Variants in SLC15A4 observed in about 807,000 individuals in gnomAD.
SLC15A4 encodes the protein hPHT1.
In SLC15A4, 26 loss-of-function variants were observed where a neutral mutation model predicts 46.1. The ratio of observed to expected loss-of-function variants is 0.56; its 90% confidence interval spans 0.41 to 0.78. The LOEUF (loss-of-function observed/expected upper bound fraction) is 0.78, where lower values mean the gene tolerates loss of function less well. Among genes scored for constraint, SLC15A4 ranks in the 30% least tolerant of loss-of-function variants. The pLI is 0.00. For missense variants in SLC15A4, 751 were observed against 755.7 expected, an observed-to-expected ratio of 0.99 and a Z score of 0.07; for synonymous variants, 370 against 333.4, an observed-to-expected ratio of 1.11 and a Z score of -1.20.
chr12:128,809,090 A>G (rs1161818928), intron 4 of SLC15A4, 134 bp from the exon 5 acceptor site: 2 of 805,700 alleles, frequency 2.5e-6, no homozygotes, highest in Non-Finnish European at 3.9e-6. Flanking sequence ...TCTTCAGTTT[A>G]GAGACAACGG....
intron 7 of SLC15A4, among the ~76,000 whole-genome samples, chr12:128,795,079 G>A (rs928920832): frequency 6.6e-6 from 1 of 152,136 alleles, no homozygotes; most frequent in African/African-American, 2.4e-5. Context: ...CCTGAGGTGA[G>A]CGTCTTTGTA....
chr12:128,807,295 G>A (rs932003995), intron 5 of SLC15A4, among the ~76,000 whole-genome samples: 8 of 152,126 alleles, frequency 5.3e-5, no homozygotes, highest in South Asian at 4.1e-4. Context: ...AACACATATC[G>A]AAACCACCAG....
At chr12:128,806,375 T>G (rs970210091) in intron 5 of SLC15A4, among the ~76,000 whole-genome samples, 1 of 152,032 alleles carries the variant, frequency 6.6e-6, no homozygotes, top group African/African-American at 2.4e-5. Flanking sequence ...ACCCTTCAGC[T>G]AAGAAAAGAT....
chr12:128,809,356 T>G lies in SLC15A4; in HGVS notation c.1089+40A>C, dbSNP rs756469305. Reference sequence around the variant, plus strand: ...AGAAGGAATCCATTTATTACATAAGTCCAAAATAACAATGTTCAGATCATT... The same window carrying G: ...AGAAGGAATCCATTTATTACATAAGGCCAAAATAACAATGTTCAGATCATT... On this transcript the variant is annotated intron_variant, in intron 4 of 7. Transcript: ENST00000266771. The G allele has an allele frequency of 2.1e-5, 28 of 1,330,758 alleles. 1 individual carries two copies. In the South Asian group the frequency reaches 3.3e-4, roughly 16 times the overall value. The allele number at this position is 1,330,758 out of a possible 1,614,324, so 82.4% of individuals were successfully genotyped here. A position where few individuals can be genotyped will look rare whatever the true frequency, so the allele number is the denominator to read the frequency against.
At chr12:128,799,519 G>A (rs538861242) in intron 6 of SLC15A4, 102 bp from the exon 7 acceptor site, 9 of 1,280,348 alleles carry the variant, frequency 7.0e-6, no homozygotes, top group African/African-American at 1.5e-5. Context: ...GGGTCTCCTA[G>A]GGACTGAGTC....
At chr12:128,801,054 T>G in intron 5 of SLC15A4, 45 bp from the exon 6 acceptor site, 1 of 1,518,476 alleles carries the variant, frequency 6.6e-7, no homozygotes, top group Non-Finnish European at 8.9e-7. Context: ...TTATTAACAT[T>G]TACAGTTAAT....
chr12:128,807,817 A>C (rs767989898), intron 5 of SLC15A4, among the ~76,000 whole-genome samples: 14 of 152,276 alleles, frequency 9.2e-5, no homozygotes, highest in Non-Finnish European at 2.1e-4. Flanking sequence ...AAGAAAATGC[A>C]ATAGTCTTCT....
chr12:128,798,367 G>T lies in SLC15A4; in HGVS notation c.1573+892C>A, dbSNP rs905517777. ...GCCATGGAGGTGGCACCCACAGCCA[G>T]AAAACATCAGTGACAAGTGTCCATG... is the stretch of plus-strand genomic sequence containing the variant. On this transcript the variant is annotated intron_variant, in intron 7 of 7. Transcript: ENST00000266771. 2.6e-5 allele frequency among the ~76,000 whole-genome samples: 4 copies of T among 152,220 alleles called. No individual in the cohort carries two copies. In the East Asian group the frequency reaches 7.7e-4, roughly 29 times the overall value.
At chr12:128,812,043 G>GGTAC (rs1955664509) in intron 2 of SLC15A4, among the ~76,000 whole-genome samples, 1 of 151,956 alleles carries the variant, frequency 6.6e-6, no homozygotes, top group Non-Finnish European at 1.5e-5. Flanking sequence ...GCCGCATGTA[G>GGTAC]GTGTGTGTAT....
At chr12:128,811,510 A>T (rs760301378) in intron 2 of SLC15A4, among the ~76,000 whole-genome samples, 6 of 152,234 alleles carry the variant, frequency 3.9e-5, no homozygotes, top group Non-Finnish European at 8.8e-5. Context: ...CCTGGGGGCT[A>T]AAGGGGAGGG....
At chr12:128,807,006 G>A (rs944793660) in intron 5 of SLC15A4, among the ~76,000 whole-genome samples, 20 of 147,942 alleles carry the variant, frequency 1.4e-4, no homozygotes, top group African/African-American at 1.7e-4. Context: ...CGGTTCAAGC[G>A]ACTCTCCTGC....
chr12:128,817,094 C>T (rs1311568907), intron 1 of SLC15A4, among the ~76,000 whole-genome samples: 4 of 152,088 alleles, frequency 2.6e-5, no homozygotes, highest in Non-Finnish European at 5.9e-5. Context: ...CCACTTCAAA[C>T]GAAAAATCTA....
chr12:128,799,993 C>T (rs1244796375), intron 6 of SLC15A4, among the ~76,000 whole-genome samples: 2 of 152,144 alleles, frequency 1.3e-5, no homozygotes, highest in Non-Finnish European at 2.9e-5. Flanking sequence ...AGGTGCGTGC[C>T]ACCATGCCTG....
At position 128,800,924 on chromosome 12, in the gene SLC15A4, A is replaced by C. The variant is rs375165571; in HGVS notation, c.1344T>G (p.Asp448Glu). Residue 448 changes from aspartate to glutamate, a missense_variant, in exon 6 of 8, where the codon GAT becomes GAG. Coordinates refer to ENST00000266771, the MANE Select transcript of SLC15A4 (RefSeq NM_145648.4). ...GCGGCACCTGCCACCACAGCGACAG[A>C]TCGGCAGCATGGTAGACGACGTTGC... Reference protein sequence around the residue: ...TIGNVVYHAADLSLWWQVPQY... With the variant: ...TIGNVVYHAAELSLWWQVPQY... 3 of 1,614,170 alleles carry C rather than the reference A, an allele frequency of 1.9e-6. No individual in the cohort carries two copies. Among genetic ancestry groups the C allele is most frequent in the East Asian group, 2.2e-5 (1 of 44,882 alleles).
At chr12:128,804,103 A>T (rs1438818526) in intron 5 of SLC15A4, among the ~76,000 whole-genome samples, 1 of 152,226 alleles carries the variant, frequency 6.6e-6, no homozygotes, top group Non-Finnish European at 1.5e-5. Context: ...CATGCTATTC[A>T]CCTACAACAT....
At position 128,808,718 on chromosome 12, in the gene SLC15A4, G is replaced by A. The variant is rs966573430; in HGVS notation, c.1258+70C>T. On this transcript the variant is annotated intron_variant, in intron 5 of 7. Coordinates refer to ENST00000266771, the MANE Select transcript of SLC15A4 (RefSeq NM_145648.4). ...AACAACCTGGGGCACGACTGCGTGT[G>A]AGCACTATATTCTGAATCCACAACT... The A allele has an allele frequency of 7.9e-6, 12 of 1,526,604 alleles. No individual in the cohort carries two copies. In the East Asian group the frequency reaches 2.8e-4, roughly 36 times the overall value. 94.6% of individuals were successfully genotyped at this position (1,526,604 alleles called of 1,614,324 possible).
At chr12:128,818,674 T>A (rs747281652) in intron 1 of SLC15A4, among the ~76,000 whole-genome samples, 3 of 152,352 alleles carry the variant, frequency 2.0e-5, no homozygotes, top group Non-Finnish European at 4.4e-5. Context: ...AATTCAGTAG[T>A]GTCTAGTATA....
chr12:128,802,187 G>A (rs572190594), intron 5 of SLC15A4, among the ~76,000 whole-genome samples: 13 of 152,202 alleles, frequency 8.5e-5, no homozygotes, highest in South Asian at 8.3e-4. Flanking sequence ...AAACTATTTA[G>A]AGCCCTTAGT....
In SLC15A4 at chr12:128,805,695, C is replaced by A. The variant is rs547846909; in HGVS notation, c.1258+3093G>T. ...TAAAGGCATGCGCCACCACGCATGGCTAATTTTAGTATTTTTGGTAGAGAT... is the reference window on the plus strand; with the variant it reads ...TAAAGGCATGCGCCACCACGCATGGATAATTTTAGTATTTTTGGTAGAGAT... On this transcript the variant is annotated intron_variant, in intron 5 of 7. Transcript: ENST00000266771. 5.3e-5 allele frequency among the ~76,000 whole-genome samples: 8 copies of A among 152,164 alleles called. No individual in the cohort carries two copies. The East Asian group carries it at 1.6e-3, about 30-fold the overall frequency.
Sources: gnomAD v4.1 joint callset for allele counts (sites outside exome capture counted in the v4.1 genomes callset) on GRCh38, gnomAD v4.1.1 for gene constraint, MANE v1.5 for transcripts, NCBI Gene and HGNC (gene_info 2026-07-23, HGNC 2026-07-21) for gene names.